The following MCTP1 variants were observed in gnomAD, a reference collection of about 807,000 sequenced individuals.
MCTP1 encodes the protein multiple C2 and transmembrane domain containing 1.
In MCTP1, 69 loss-of-function variants were observed where a neutral mutation model predicts 120.6. The ratio of observed to expected loss-of-function variants is 0.57; its 90% CI spans 0.47 to 0.70. The LOEUF (loss-of-function observed/expected upper bound fraction) is 0.70, where lower values mean the gene tolerates loss of function less well. Ranked by LOEUF, MCTP1 falls within the 30% of genes least tolerant of loss-of-function variation. MCTP1 has a pLI of 0.00. For missense variants in MCTP1, 1,203 were observed against 1,248.8 expected, an observed-to-expected ratio of 0.96 and a Z score of 0.55; for synonymous variants, 529 against 493.1, an observed-to-expected ratio of 1.07 and a Z score of -0.96.
At chr5:95,246,787 A>C (rs145876153) in intron 1 of MCTP1, among the ~76,000 whole-genome samples, 1 of 152,084 alleles carries the variant, frequency 6.6e-6, no homozygotes, top group Non-Finnish European at 1.5e-5. Context: ...GCTGGATTCA[A>C]TTTGCCAGTA....
chr5:95,050,135 C>A (rs1313836566), intron 1 of MCTP1, among the ~76,000 whole-genome samples: 1 of 151,530 alleles, frequency 6.6e-6, no homozygotes, highest in Non-Finnish European at 1.5e-5. Context: ...GGGTTAAATT[C>A]TTCTTTTACA....
chr5:94,979,485 C>T (rs1828926359), intron 2 of MCTP1: 1 of 152,020 alleles, frequency 6.6e-6, no homozygotes, highest in Non-Finnish European at 1.5e-5. Context: ...TATTTGGTGA[C>T]CAGAGGTAGA....
At chr5:95,042,430 T>C (rs758084672) in intron 1 of MCTP1, among the ~76,000 whole-genome samples, 2 of 152,114 alleles carry the variant, frequency 1.3e-5, no homozygotes, top group African/African-American at 4.8e-5. Context: ...GGTTTATGGA[T>C]AGTGATAAGC....
intron 1 of MCTP1, among the ~76,000 whole-genome samples, chr5:95,023,182 C>T (rs200004679): frequency 1.2e-3 from 190 of 152,292 alleles, no homozygotes; most frequent in African/African-American, 4.4e-3. Flanking sequence ...ACAATAGAAC[C>T]AGGCTCCAGT....
intron 2 of MCTP1, among the ~76,000 whole-genome samples, chr5:94,980,567 T>C (rs1294317587): frequency 6.6e-6 from 1 of 152,178 alleles, no homozygotes; most frequent in Admixed American, 6.6e-5. Context: ...TGTCATAAAA[T>C]GTATGTTTAA....
rs575343257 is a variant in MCTP1 at position 94,726,923 on chromosome 5, G to A, written c.2611-12037C>T. Among the ~76,000 whole-genome samples, 6 of 152,208 alleles carry A rather than the reference G, an allele frequency of 3.9e-5. No homozygotes were observed. The South Asian group carries it at 6.2e-4, about 16-fold the overall frequency. On this transcript the variant is annotated intron_variant, in intron 19 of 22. Coordinates refer to ENST00000515393, the MANE Select transcript of MCTP1 (RefSeq NM_024717.7). ...ACTAACCTTGAGTTATAATCAAATC[G>A]TGTGAGAAAAGAATCATATTAGTAT...
intron 17 of MCTP1, among the ~76,000 whole-genome samples, chr5:94,824,511 T>C (rs1296601283): frequency 1.3e-5 from 2 of 152,208 alleles, no homozygotes; most frequent in Non-Finnish European, 2.9e-5. Context: ...TTTTGTTGTG[T>C]CTCTGCCAGG....
intron 1 of MCTP1, among the ~76,000 whole-genome samples, chr5:95,159,156 CTATCTA>C (rs1178391609): frequency 1.3e-5 from 2 of 152,156 alleles, no homozygotes; most frequent in South Asian, 2.1e-4. Context: ...GTTGTCAACT[CTATCTA>C]TAAGACTGTG....
intron 1 of MCTP1, among the ~76,000 whole-genome samples, chr5:95,279,033 A>C (rs1016386163): frequency 2.0e-5 from 3 of 152,116 alleles, no homozygotes; most frequent in African/African-American, 7.2e-5. Context: ...AAATAGATAT[A>C]GACCAAGAAG....
chr5:95,045,641 C>T (rs1229328040), intron 1 of MCTP1, among the ~76,000 whole-genome samples: 2 of 152,082 alleles, frequency 1.3e-5, no homozygotes, highest in East Asian at 1.9e-4. Flanking sequence ...AGGGGTCTGG[C>T]GTCAGTGGTT....
intron 1 of MCTP1, among the ~76,000 whole-genome samples, chr5:95,164,086 A>G (rs1746050185): frequency 6.6e-6 from 1 of 152,172 alleles, no homozygotes; most frequent in African/African-American, 2.4e-5. Flanking sequence ...CTTCATAGCT[A>G]GGCAGAAAAG....
intron 15 of MCTP1, 30 bp downstream of exon 15, chr5:94,870,842 C>T: frequency 2.9e-6 from 4 of 1,376,228 alleles, no homozygotes; most frequent in Non-Finnish European, 4.1e-6. Context: ...AACTCTTTAG[C>T]AGTACAAAAA....
intron 2 of MCTP1, among the ~76,000 whole-genome samples, chr5:94,954,712 C>T (rs755020253): frequency 3.9e-5 from 6 of 152,130 alleles, no homozygotes; most frequent in Admixed American, 6.5e-5. Flanking sequence ...AGCATATATA[C>T]GCTGCTAAAA....
chr5:94,935,188 A>G (rs1022457036), intron 5 of MCTP1, among the ~76,000 whole-genome samples: 3 of 151,942 alleles, frequency 2.0e-5, no homozygotes, highest in Non-Finnish European at 4.4e-5. Flanking sequence ...TCATGACCTC[A>G]ATGGAGAAGA....
chr5:94,838,896 T>A (rs1475841318), intron 17 of MCTP1, among the ~76,000 whole-genome samples: 1 of 152,146 alleles, frequency 6.6e-6, no homozygotes, highest in Non-Finnish European at 1.5e-5. Context: ...GTGGACTGAT[T>A]AGACTGAAGG....
Position 94,931,727 on chromosome 5 carries a change from A to G in MCTP1, c.1212+226T>C, listed in dbSNP as rs1581422034. The G allele has an allele frequency of 1.4e-5, 7 of 506,336 alleles. No homozygotes were observed. In the East Asian group the frequency reaches 2.3e-4, roughly 17 times the overall value. The allele number at this position is 506,336 out of a possible 1,614,324, so 31.4% of individuals were successfully genotyped here. Reference sequence around the variant, plus strand: ...TAGTTGAGACCAGATGCTGAGAATGATGTTGAGAAGTGACCAGAGAATAGT... The same window carrying G: ...TAGTTGAGACCAGATGCTGAGAATGGTGTTGAGAAGTGACCAGAGAATAGT... On this transcript the variant is annotated intron_variant, in intron 6 of 22. Transcript: ENST00000515393.
chr5:95,116,088 A>G (rs979068703), intron 1 of MCTP1, among the ~76,000 whole-genome samples: 1 of 152,108 alleles, frequency 6.6e-6, no homozygotes, highest in Admixed American at 6.6e-5. Context: ...AGAAATAAAC[A>G]CTTTCCCAGA....
rs1404987947 is a variant in MCTP1, at chr5:94,707,329, T to C, written c.*167A>G. ...TCAAGTTGAGTCTGTACAATAGAAG[T>C]ATATATTCAAAGACATATGCCTTTG... On this transcript the variant is annotated 3_prime_UTR_variant, in exon 23 of 23. Transcript: ENST00000515393. The C allele has an allele frequency of 1.0e-5, 6 of 581,716 alleles. No individual in the cohort carries two copies. The highest frequency in any genetic ancestry group is 1.8e-5 in the Non-Finnish European group (6 of 327,900). The allele number at this position is 581,716 out of a possible 1,614,324, so 36.0% of individuals were successfully genotyped here.
chr5:95,067,155 G>A (rs1750892466), intron 1 of MCTP1, among the ~76,000 whole-genome samples: 1 of 152,110 alleles, frequency 6.6e-6, no homozygotes, highest in Non-Finnish European at 1.5e-5. Flanking sequence ...GGGGGGATCG[G>A]AAGAGGCTGG....
Sources: gnomAD v4.1 joint callset for allele counts (sites outside exome capture counted in the v4.1 genomes callset) on GRCh38, gnomAD v4.1.1 for gene constraint, MANE v1.5 for transcripts, NCBI Gene and HGNC (gene_info 2026-07-23, HGNC 2026-07-21) for gene names.